The following LRP10 variants were observed in gnomAD, a reference collection of about 807,000 sequenced individuals.
LRP10 encodes LDL receptor related protein 10, also known as low-density lipoprotein receptor-related protein 10.
Under a neutral mutation model 58.5 loss-of-function variants are expected in LRP10, and 42 were observed. The ratio of observed to expected loss-of-function variants is 0.72; its 90% CI spans 0.56 to 0.93. The LOEUF (loss-of-function observed/expected upper bound fraction) is 0.93, where lower values mean the gene tolerates loss of function less well. Ranked by LOEUF, LRP10 falls within the 40% of genes least tolerant of loss-of-function variation. LRP10 has a pLI of 0.00. For missense variants in LRP10, 872 were observed against 940.1 expected (o/e 0.93, Z 0.95); for synonymous variants, 377 against 388.5 (o/e 0.97, Z 0.35).
chr14:22,875,090 G>A lies in LRP10; in HGVS notation c.251G>A (p.Arg84His), dbSNP rs142996890. ...QKLHLACGSE[R>H]LTLRSPLQPL... Reference sequence around the variant, plus strand: ...CTACACCTGGCCTGTGGCTCAGAGCGCTTAACCCTACGCTCCCCTCTCCAG... The same window carrying A: ...CTACACCTGGCCTGTGGCTCAGAGCACTTAACCCTACGCTCCCCTCTCCAG... Residue 84 changes from arginine (R) to histidine (H), a missense_variant, in exon 4 of 7, where the codon CGC (arginine) becomes CAC (histidine). By Grantham distance (29) the Arg-to-His change is conservative. Coordinates refer to ENST00000359591, the MANE Select transcript of LRP10 (RefSeq NM_014045.5). 6.6e-5 allele frequency: 106 copies of A among 1,606,096 alleles called. No homozygotes were observed. Among genetic ancestry groups the A allele is most frequent in the Non-Finnish European group, 8.5e-5 (100 of 1,175,890 alleles).
In LRP10 at chr14:22,881,559, C is replaced by T. The variant is rs1303563160; in HGVS notation, c.*4032C>T. ...ATGACCTTAGACCACTTATAAAATG[C>T]ATATGAGTGCTTTAAATGTTATTTT... On this transcript the variant is annotated 3_prime_UTR_variant, in exon 7 of 7. Coordinates refer to ENST00000359591, the MANE Select transcript of LRP10 (RefSeq NM_014045.5). 1 of 152,196 alleles carries T rather than the reference C, an allele frequency of 6.6e-6. No individual in the cohort carries two copies. Among genetic ancestry groups the T allele is most frequent in the African/African-American group, 2.4e-5 (1 of 41,434 alleles). The allele number at this position is 152,196 out of a possible 1,614,324, so 9.4% of individuals were successfully genotyped here.
Position 22,875,592 on chromosome 14 carries a change from C to T in LRP10, c.644C>T (p.Ser215Phe). The T allele has an allele frequency of 6.2e-7, 1 of 1,614,170 alleles. No homozygotes were observed. Among genetic ancestry groups the T allele is most frequent in the South Asian group, 1.1e-5 (1 of 91,080 alleles). ...GGATATACACACCTAGCCTCAGTCTCCCACCCCCAGTCCTGCCATTGGCTG... is the reference window on the plus strand; with the variant it reads ...GGATATACACACCTAGCCTCAGTCTTCCACCCCCAGTCCTGCCATTGGCTG... ...SPGYTHLASV[S>F]HPQSCHWLLD... Residue 215 changes from serine (S) to phenylalanine (F), a missense_variant, in exon 5 of 7, where the codon TCC becomes TTC. Ser to Phe is a radical substitution (Grantham distance 155). Transcript: ENST00000359591.
At position 22,875,589 on chromosome 14, in the gene LRP10, T is replaced by C. The variant is rs1566492866; in HGVS notation, c.641T>C (p.Val214Ala). The part of the protein sequence containing the change: ...SSPGYTHLAS[V>A]SHPQSCHWLL... ...CCTGGATATACACACCTAGCCTCAG[T>C]CTCCCACCCCCAGTCCTGCCATTGG... is the stretch of plus-strand genomic sequence containing the variant. Residue 214 changes from valine to alanine, a missense_variant, in exon 5 of 7, where the codon GTC (valine) becomes GCC (alanine). Val to Ala is a moderately conservative substitution (Grantham distance 64). Transcript: ENST00000359591. 1 of 1,614,048 alleles carries C rather than the reference T, an allele frequency of 6.2e-7. No homozygotes were observed. The highest frequency in any genetic ancestry group is 8.5e-7 in the Non-Finnish European group (1 of 1,180,000).
In LRP10 at chr14:22,881,155, C is replaced by T. The variant is rs1375184631; in HGVS notation, c.*3628C>T. The stretch of plus-strand genomic sequence containing the variant: ...AATCAGAAGACTGGCCCAGTCTCTA[C>T]CAAGTGGTGGATTTAGAGCCGGCAT... On this transcript the variant is annotated 3_prime_UTR_variant, in exon 7 of 7. Transcript: ENST00000359591. 1 of 152,210 alleles carries T rather than the reference C, an allele frequency of 6.6e-6. No individual in the cohort carries two copies. Among genetic ancestry groups the T allele is most frequent in the Non-Finnish European group, 1.5e-5 (1 of 68,048 alleles). The allele number at this position is 152,210 out of a possible 1,614,324, so 9.4% of individuals were successfully genotyped here. A position where few individuals can be genotyped will look rare whatever the true frequency, so the allele number is the denominator to read the frequency against.
intron 5 of LRP10, 57 bp downstream of exon 5, chr14:22,876,429 G>A (rs768724282): frequency 9.4e-6 from 15 of 1,587,550 alleles, no homozygotes; most frequent in Admixed American, 3.4e-5. Flanking sequence ...AGGCTGGGCT[G>A]TGCAGCTACA....
chr14:22,874,741 G>C (rs575018349), intron 3 of LRP10, among the ~76,000 whole-genome samples: 20 of 152,240 alleles, frequency 1.3e-4, no homozygotes, highest in Non-Finnish European at 2.6e-4. Context: ...TACAAAATTA[G>C]CCAGGTGTGG....
chr14:22,875,789 G>A lies in LRP10; in HGVS notation c.841G>A (p.Gly281Ser), dbSNP rs1595029985. The A allele has an allele frequency of 1.2e-6, 2 of 1,614,198 alleles. No homozygotes were observed. The highest frequency in any genetic ancestry group is 1.7e-6 in the Non-Finnish European group (2 of 1,180,036). ...GKAVTVETLS[G>S]QAVVSYHTVA... The stretch of plus-strand genomic sequence containing the variant: ...GGCTGTCACTGTGGAGACACTGTCT[G>A]GCCAGGCTGTTGTGTCCTACCACAC... The change falls in exon 5 of 7, where the codon GGC becomes AGC. Residue 281 changes from glycine (G) to serine (S), a missense_variant. By Grantham distance (56) the Gly-to-Ser change is moderately conservative. Coordinates refer to ENST00000359591, the MANE Select transcript of LRP10 (RefSeq NM_014045.5).
chr14:22,880,302 G>C lies in LRP10; in HGVS notation c.*2775G>C, dbSNP rs1383227531. 6.6e-6 allele frequency: 1 copy of C among 152,222 alleles called. No homozygotes were observed. The highest frequency in any genetic ancestry group is 1.5e-5 in the Non-Finnish European group (1 of 68,112). 9.4% of individuals were successfully genotyped at this position (152,222 alleles called of 1,614,324 possible). ...AGGCAGGAGAATTGCTTGAACCCGGGAGGCGGAGGTTGCAGTGAGTGGAGA... is the reference window on the plus strand; with the variant it reads ...AGGCAGGAGAATTGCTTGAACCCGGCAGGCGGAGGTTGCAGTGAGTGGAGA... On this transcript the variant is annotated 3_prime_UTR_variant, in exon 7 of 7. Coordinates refer to ENST00000359591, the MANE Select transcript of LRP10 (RefSeq NM_014045.5).
Position 22,877,436 on chromosome 14 carries a change from C to T in LRP10, c.2051C>T (p.Ala684Val). ...SPPGPHTAVLALEDEDDVLLV... is the reference protein window; with the variant it reads ...SPPGPHTAVLVLEDEDDVLLV... ...CCTGGACCCCACACAGCAGTCCTGGCCCTGGAAGATGAGGACGATGTGCTA... is the reference window on the plus strand; with the variant it reads ...CCTGGACCCCACACAGCAGTCCTGGTCCTGGAAGATGAGGACGATGTGCTA... Residue 684 changes from alanine (A) to valine (V), a missense_variant, in exon 7 of 7, where the codon GCC becomes GTC. Physicochemically the swap from Ala to Val is moderately conservative, Grantham distance 64 (BLOSUM62 0). Coordinates refer to ENST00000359591, the MANE Select transcript of LRP10 (RefSeq NM_014045.5). The surrounding 1 kb of genome is among the most constrained non-coding windows in gnomAD (Gnocchi z 5.1). 6.2e-7 allele frequency: 1 copy of T among 1,613,712 alleles called. No individual in the cohort carries two copies. Among genetic ancestry groups the T allele is most frequent in the Admixed American group, 1.7e-5 (1 of 60,006 alleles).
In LRP10 at chr14:22,879,986, G is replaced by A. The variant is rs1489955872; in HGVS notation, c.*2459G>A. 2 of 152,222 alleles carry A rather than the reference G, an allele frequency of 1.3e-5. No individual in the cohort carries two copies. Among genetic ancestry groups the A allele is most frequent in the Non-Finnish European group, 2.9e-5 (2 of 68,060 alleles). The allele number at this position is 152,222 out of a possible 1,614,324, so 9.4% of individuals were successfully genotyped here. ...AAGGTGCTTGGTCTTAGCGGTGTGG[G>A]ACCCACGTTAAGGCTCTTGGTGGGA... On this transcript the variant is annotated 3_prime_UTR_variant, in exon 7 of 7. Transcript: ENST00000359591.
In LRP10 at chr14:22,878,800, C is replaced by G. The variant is rs2040033421; in HGVS notation, c.*1273C>G. Reference sequence around the variant, plus strand: ...AAGACCCTGGGCCTGAGAGCACAAGCAGCGGCCAGAGCTGCAGCGCTGGGG... The same window carrying G: ...AAGACCCTGGGCCTGAGAGCACAAGGAGCGGCCAGAGCTGCAGCGCTGGGG... On this transcript the variant is annotated 3_prime_UTR_variant, in exon 7 of 7. Coordinates refer to ENST00000359591, the MANE Select transcript of LRP10 (RefSeq NM_014045.5). 3 of 189,062 alleles carry G rather than the reference C, an allele frequency of 1.6e-5. No homozygotes were observed. The highest frequency in any genetic ancestry group is 5.2e-5 in the Admixed American group (1 of 19,330). 11.7% of individuals were successfully genotyped at this position (189,062 alleles called of 1,614,324 possible).
rs1173149616 is a variant in LRP10 at position 22,877,631 on chromosome 14, G to T, written c.*104G>T. 1.2e-6 allele frequency: 1 copy of T among 860,328 alleles called. No homozygotes were observed. The highest frequency in any genetic ancestry group is 1.7e-5 in the African/African-American group (1 of 58,532). The allele number at this position is 860,328 out of a possible 1,614,324, so 53.3% of individuals were successfully genotyped here. On this transcript the variant is annotated 3_prime_UTR_variant, in exon 7 of 7. Transcript: ENST00000359591. The surrounding 1 kb of genome is among the most constrained non-coding windows in gnomAD (Gnocchi z 5.1). ...CCTCCCCTCCACCACTTCCTTCCCT[G>T]TCCCTGGATTTCAGGGACTTGGTGG...
At chr14:22,876,624 C>G in intron 5 of LRP10, 65 bp from the exon 6 acceptor site, 4 of 1,578,196 alleles carry the variant, frequency 2.5e-6, no homozygotes, top group Admixed American at 3.5e-5. Context: ...GGAGGACTGT[C>G]CAGGCTGAGG....
At chr14:22,872,876 A>T in intron 2 of LRP10, 94 bp downstream of exon 2, 1 of 1,319,734 alleles carries the variant, frequency 7.6e-7, no homozygotes, top group African/African-American at 1.5e-5. Flanking sequence ...GGGACCTACC[A>T]AAGTTTTAGA....
rs934446299 is a variant in LRP10 at position 22,880,457 on chromosome 14, C to T, written c.*2930C>T. ...GGCGCAGTAGCTCACACCTGTAATCCCAGCACTTTGGAGGGGCCAAGGCAG... is the reference window on the plus strand; with the variant it reads ...GGCGCAGTAGCTCACACCTGTAATCTCAGCACTTTGGAGGGGCCAAGGCAG... On this transcript the variant is annotated 3_prime_UTR_variant, in exon 7 of 7. Transcript: ENST00000359591. The T allele has an allele frequency of 1.3e-5, 2 of 152,188 alleles. No homozygotes were observed. Among genetic ancestry groups the T allele is most frequent in the African/African-American group, 4.8e-5 (2 of 41,416 alleles). The allele number at this position is 152,188 out of a possible 1,614,324, so 9.4% of individuals were successfully genotyped here.
At chr14:22,872,843 ACTCTCTGTT>A (rs1156676095) in intron 2 of LRP10, 61 bp downstream of exon 2, 5 of 1,542,920 alleles carry the variant, frequency 3.2e-6, no homozygotes, top group Non-Finnish European at 4.5e-6. Context: ...GTCGAGAAGG[ACTCTCTGTT>A]CCCTGAATTC....
intron 5 of LRP10, 54 bp downstream of exon 5, chr14:22,876,426 G>T: frequency 6.3e-7 from 1 of 1,591,020 alleles, no homozygotes. Flanking sequence ...GTGAGGCTGG[G>T]CTGTGCAGCT....
chr14:22,878,971 A>G lies in LRP10; in HGVS notation c.*1444A>G. 3.2e-6 allele frequency: 1 copy of G among 309,168 alleles called. No individual in the cohort carries two copies. The highest frequency in any genetic ancestry group is 2.5e-5 in the South Asian group (1 of 40,178). The allele number at this position is 309,168 out of a possible 1,614,324, so 19.2% of individuals were successfully genotyped here. On this transcript the variant is annotated 3_prime_UTR_variant, in exon 7 of 7. Coordinates refer to ENST00000359591, the MANE Select transcript of LRP10 (RefSeq NM_014045.5). Reference sequence around the variant, plus strand: ...TGGGGGTGGGAGTGATGCCTCAGGAACAAAACTGAGGAATTCCCTAACGGA... The same window carrying G: ...TGGGGGTGGGAGTGATGCCTCAGGAGCAAAACTGAGGAATTCCCTAACGGA...
chr14:22,881,247 G>T lies in LRP10; in HGVS notation c.*3720G>T, dbSNP rs568810295. 1 of 152,198 alleles carries T rather than the reference G, an allele frequency of 6.6e-6. No homozygotes were observed. The highest frequency in any genetic ancestry group is 1.9e-4 in the East Asian group (1 of 5,160). 9.4% of individuals were successfully genotyped at this position (152,198 alleles called of 1,614,324 possible). ...GACCTCCCATTCCTGAGGGAGCCTG[G>T]ATACGGGCAAGTGCACAACCCGGGA... On this transcript the variant is annotated 3_prime_UTR_variant, in exon 7 of 7. Transcript: ENST00000359591.
Sources: gnomAD v4.1 joint callset for allele counts (sites outside exome capture counted in the v4.1 genomes callset) on GRCh38, gnomAD v4.1.1 for gene constraint, Gnocchi (gnomAD v3.1) non-coding constraint, MANE v1.5 for transcripts, NCBI Gene and HGNC (gene_info 2026-07-23, HGNC 2026-07-21) for gene names.